LRRTM4: variants seen among roughly 807,000 people sequenced by gnomAD.
LRRTM4 encodes the protein leucine-rich repeat transmembrane neuronal protein 4.
In LRRTM4, 25 loss-of-function variants were observed where a neutral mutation model predicts 47.6. The observed-to-expected ratio is 0.53, with a 90% CI of 0.38 to 0.73. LRRTM4 has a LOEUF of 0.73. Among genes scored for constraint, LRRTM4 ranks in the 30% least tolerant of loss-of-function variants. LRRTM4 has a pLI of 0.00. For missense variants in LRRTM4, 638 were observed against 713.4 expected, an observed-to-expected ratio of 0.89 and a Z score of 1.20; for synonymous variants, 311 against 269.5, an observed-to-expected ratio of 1.15 and a Z score of -1.51.
intron 3 of LRRTM4, among the ~76,000 whole-genome samples, chr2:77,375,491 C>A (rs146305905): frequency 9.3e-4 from 141 of 151,786 alleles, no homozygotes; most frequent in African/African-American, 3.3e-3. Context: ...TTTAAGGGAA[C>A]AAATAGTACT....
intron 3 of LRRTM4, among the ~76,000 whole-genome samples, chr2:77,435,816 G>C (rs1675571201): frequency 1.3e-5 from 2 of 152,066 alleles, no homozygotes; most frequent in Non-Finnish European, 2.9e-5. Flanking sequence ...CCTTCATATA[G>C]CTTCAGTTAT....
chr2:77,148,982 T>G (rs1413831073), intron 3 of LRRTM4, among the ~76,000 whole-genome samples: 2 of 152,164 alleles, frequency 1.3e-5, no homozygotes, highest in East Asian at 3.9e-4. Flanking sequence ...GTTATGTAAA[T>G]AGAAAATCTT....
intron 3 of LRRTM4, among the ~76,000 whole-genome samples, chr2:77,027,001 G>C (rs1439667336): frequency 6.6e-6 from 1 of 152,042 alleles, no homozygotes; most frequent in Non-Finnish European, 1.5e-5. Flanking sequence ...CAGAATTTGA[G>C]TTCCTGCTTC....
At chr2:77,083,718 T>C (rs926924381) in intron 3 of LRRTM4, among the ~76,000 whole-genome samples, 1 of 151,654 alleles carries the variant, frequency 6.6e-6, no homozygotes, top group Non-Finnish European at 1.5e-5. Context: ...GTGTTGATTG[T>C]TCTTCAGTAA....
intron 3 of LRRTM4, among the ~76,000 whole-genome samples, chr2:76,966,957 A>G (rs1676046331): frequency 6.6e-6 from 1 of 151,360 alleles, no homozygotes; most frequent in Non-Finnish European, 1.5e-5. Flanking sequence ...TTATTCTCGC[A>G]TATTTTCTTG....
chr2:77,402,733 T>C (rs1558726456), intron 3 of LRRTM4, among the ~76,000 whole-genome samples: 1 of 151,988 alleles, frequency 6.6e-6, no homozygotes, highest in Non-Finnish European at 1.5e-5. Context: ...TTATCTCACC[T>C]TACATGACCC....
chr2:77,167,232 C>G (rs1361925037), intron 3 of LRRTM4, among the ~76,000 whole-genome samples: 2 of 152,142 alleles, frequency 1.3e-5, no homozygotes, highest in African/African-American at 4.8e-5. Context: ...CAGACAAATG[C>G]AAATCAAAAC....
chr2:77,393,324 C>T (rs1192875553), intron 3 of LRRTM4, among the ~76,000 whole-genome samples: 2 of 151,934 alleles, frequency 1.3e-5, no homozygotes, highest in Admixed American at 1.3e-4. Context: ...GTAGAAAAGA[C>T]AATTGCAGTC....
intron 3 of LRRTM4, among the ~76,000 whole-genome samples, chr2:76,999,464 T>C (rs1573429273): frequency 6.7e-6 from 1 of 148,198 alleles, no homozygotes; most frequent in East Asian, 2.0e-4. Flanking sequence ...AAAAAAAGCG[T>C]TGGTGAGGAG....
At chr2:77,112,874 G>A (rs1212408434) in intron 3 of LRRTM4, among the ~76,000 whole-genome samples, 1 of 152,056 alleles carries the variant, frequency 6.6e-6, no homozygotes, top group Non-Finnish European at 1.5e-5. Flanking sequence ...GTTGCTGGAC[G>A]GAACGCATGG....
intron 3 of LRRTM4, among the ~76,000 whole-genome samples, chr2:77,083,109 T>C (rs956733040): frequency 1.1e-4 from 16 of 152,184 alleles, no homozygotes; most frequent in African/African-American, 3.9e-4. Context: ...TTCAGATTCA[T>C]TCATTATTAT....
chr2:76,858,156 C>G (rs1294470915), intron 3 of LRRTM4, among the ~76,000 whole-genome samples: 1 of 152,090 alleles, frequency 6.6e-6, no homozygotes, highest in African/African-American at 2.4e-5. Flanking sequence ...AAACATAATT[C>G]TGGGTGTTTC....
At chr2:76,778,570 G>C (rs1674165575) in intron 3 of LRRTM4, among the ~76,000 whole-genome samples, 1 of 151,956 alleles carries the variant, frequency 6.6e-6, no homozygotes, top group Non-Finnish European at 1.5e-5. Flanking sequence ...AGTATTCTCT[G>C]ATGGTAGTTT....
At chr2:77,205,623 G>A (rs1674102781) in intron 3 of LRRTM4, among the ~76,000 whole-genome samples, 1 of 152,136 alleles carries the variant, frequency 6.6e-6, no homozygotes, top group South Asian at 2.1e-4. Context: ...AGGTCAGAGA[G>A]GAAGGACAAT....
At chr2:76,815,487 C>A (rs1488655981) in intron 3 of LRRTM4, among the ~76,000 whole-genome samples, 1 of 152,066 alleles carries the variant, frequency 6.6e-6, no homozygotes, top group Non-Finnish European at 1.5e-5. Context: ...TAATTAATAT[C>A]TATCAACTGG....
chr2:77,111,169 G>A (rs560428773), intron 3 of LRRTM4, among the ~76,000 whole-genome samples: 1 of 152,190 alleles, frequency 6.6e-6, no homozygotes, highest in South Asian at 2.1e-4. Flanking sequence ...GAGTGCAGTG[G>A]CAGGATCTTG....
intron 3 of LRRTM4, among the ~76,000 whole-genome samples, chr2:77,425,302 T>G (rs930969312): frequency 1.3e-5 from 2 of 152,188 alleles, no homozygotes; most frequent in Admixed American, 1.3e-4. Context: ...GCCTAGTCAT[T>G]AATTTAATCT....
At chr2:77,000,279 C>G (rs934188185) in intron 3 of LRRTM4, among the ~76,000 whole-genome samples, 1 of 150,822 alleles carries the variant, frequency 6.6e-6, no homozygotes, top group African/African-American at 2.4e-5. Context: ...AACATACAGT[C>G]TATCTCCTTC....
At chr2:76,858,437 C>G (rs771609054) in intron 3 of LRRTM4, among the ~76,000 whole-genome samples, 1 of 152,162 alleles carries the variant, frequency 6.6e-6, no homozygotes, top group Non-Finnish European at 1.5e-5. Context: ...ACAGGTTCTC[C>G]TGCTTCTTGG....
Sources: allele counts gnomAD v4.1 joint callset (sites outside exome capture counted in the v4.1 genomes callset), GRCh38; gene constraint gnomAD v4.1.1; transcripts MANE v1.5; gene names NCBI Gene and HGNC (gene_info 2026-07-23, HGNC 2026-07-21).